Variants in RAI1 observed in about 807,000 individuals in gnomAD.
RAI1 encodes the protein retinoic acid-induced protein 1.
A neutral mutation model predicts 123.8 loss-of-function variants in RAI1; 9 were observed. The observed-to-expected ratio is 0.07, with a 90% CI of 0.04 to 0.13. The LOEUF (loss-of-function observed/expected upper bound fraction) is 0.13. RAI1 is among the 10% of genes least tolerant of loss of function. The probability of loss-of-function intolerance (pLI) is 1.00; values close to 1 mark genes in which losing one functional copy is unlikely to be tolerated. For synonymous variants in RAI1, 1,231 were observed against 1,127.3 expected, an observed-to-expected ratio of 1.09 and a Z score of -1.84; for missense variants, 2,256 against 2,545.8, an observed-to-expected ratio of 0.89 and a Z score of 2.45.
intron 2 of RAI1, among the ~76,000 whole-genome samples, chr17:17,780,388 G>A (rs1022655194): frequency 3.3e-5 from 5 of 151,938 alleles, no homozygotes; most frequent in African/African-American, 9.7e-5. Context: ...TTTCTCCCAA[G>A]AAAACCAGTT....
chr17:17,711,255 A>C (rs778406406), intron 1 of RAI1, among the ~76,000 whole-genome samples: 4 of 152,172 alleles, frequency 2.6e-5, no homozygotes, highest in Non-Finnish European at 4.4e-5. Flanking sequence ...AGAAACACAC[A>C]GGCCCTGGCT....
At chr17:17,716,573 G>GT (rs976230029) in intron 1 of RAI1, among the ~76,000 whole-genome samples, 4 of 152,190 alleles carry the variant, frequency 2.6e-5, no homozygotes, top group African/African-American at 9.7e-5. Flanking sequence ...TGTGTATGTG[G>GT]TTTTGTGTCT....
chr17:17,796,697 A>T lies in RAI1; in HGVS notation c.3749A>T (p.Asn1250Ile). ...VLRSRSSSSSNASGNGGDGKE... is the reference protein window; with the variant it reads ...VLRSRSSSSSIASGNGGDGKE... ...CGGAGCCGCAGCAGCAGCAGCAGCA[A>T]CGCCAGTGGCAATGGGGGAGATGGG... The change falls in exon 3 of 6, where the codon AAC (asparagine) becomes ATC (isoleucine). Residue 1250 changes from asparagine (N) to isoleucine (I), a missense_variant. Physicochemically the swap from Asn to Ile is moderately radical, Grantham distance 149. This residue lies in a region of RAI1 where 322 missense variants were observed against 358.0 expected (regional missense o/e 0.90). Transcript: ENST00000353383. This position sits in a 1 kb window ranked among gnomAD's most constrained non-coding sequence, Gnocchi z 5.8. 1 of 1,613,276 alleles carries T rather than the reference A, an allele frequency of 6.2e-7. No individual in the cohort carries two copies. Among genetic ancestry groups the T allele is most frequent in the African/African-American group, 1.3e-5 (1 of 75,028 alleles).
At chr17:17,691,723 C>T (rs1189544416) in intron 1 of RAI1, among the ~76,000 whole-genome samples, 1 of 152,118 alleles carries the variant, frequency 6.6e-6, no homozygotes, top group Non-Finnish European at 1.5e-5. Flanking sequence ...AAAGAGAGGA[C>T]TAAACCCTTT....
rs189154740 is a variant in RAI1, at chr17:17,781,893, G to T, written c.-16-11040G>T. On this transcript the variant is annotated intron_variant, in intron 2 of 5. Transcript: ENST00000353383. ...AGAAGCCCCAGCTTCGTAAATGACC[G>T]AAGAAGGGTGGGCGTTGAGGAGGGA... Among the ~76,000 whole-genome samples, 63 of 152,322 alleles carry T rather than the reference G, an allele frequency of 4.1e-4. No individual in the cohort carries two copies. In the East Asian group the frequency reaches 0.012, roughly 28 times the overall value.
intron 1 of RAI1, among the ~76,000 whole-genome samples, chr17:17,706,688 CA>C (rs2087036918): frequency 6.6e-6 from 1 of 152,128 alleles, no homozygotes. Flanking sequence ...GGTGAATGGA[CA>C]GGACATTGAA....
intron 2 of RAI1, among the ~76,000 whole-genome samples, chr17:17,780,082 T>TTTTTTTTTTTTTCA (rs71152902): frequency 9.0e-6 from 1 of 110,962 alleles, no homozygotes; most frequent in African/African-American, 3.6e-5. Flanking sequence ...GGCTTTTTTT[T>TTTTTTTTTTTTTCA]AAGACAAGAG....
At chr17:17,690,442 T>C (rs1400870151) in intron 1 of RAI1, among the ~76,000 whole-genome samples, 3 of 151,670 alleles carry the variant, frequency 2.0e-5, no homozygotes, top group Non-Finnish European at 4.4e-5. Context: ...AGAAAGTGTT[T>C]CCTGATTGAG....
At chr17:17,778,631 C>T (rs772965770) in intron 2 of RAI1, 9 of 420,180 alleles carry the variant, frequency 2.1e-5, no homozygotes, top group South Asian at 5.1e-5. Context: ...CCCCTGAAAC[C>T]GGAGCCCCAG....
intron 2 of RAI1, among the ~76,000 whole-genome samples, chr17:17,759,002 C>A (rs953246506): frequency 6.6e-6 from 1 of 152,044 alleles, no homozygotes; most frequent in Non-Finnish European, 1.5e-5. Context: ...AGGTTCTGGT[C>A]GCCATGGAAG....
At chr17:17,790,024 C>T (rs1174598420) in intron 2 of RAI1, among the ~76,000 whole-genome samples, 2 of 152,168 alleles carry the variant, frequency 1.3e-5, no homozygotes, top group African/African-American at 2.4e-5. Flanking sequence ...ATCGTTCTGC[C>T]GGGGCCAGGG....
chr17:17,799,498 G>T lies in RAI1; in HGVS notation c.5565+985G>T, dbSNP rs117064317. Among the ~76,000 whole-genome samples, 1 of 152,118 alleles carries T rather than the reference G, an allele frequency of 6.6e-6. No individual in the cohort carries two copies. Among genetic ancestry groups the T allele is most frequent in the Non-Finnish European group, 1.5e-5 (1 of 68,008 alleles). On this transcript the variant is annotated intron_variant, in intron 3 of 5. Transcript: ENST00000353383. The surrounding 1 kb of genome is among the most constrained non-coding windows in gnomAD (Gnocchi z 4.5). ...TGCTTCTGCCCCCACATTCAACCCC[G>T]ACTCCACTGCCTCATCCAGACTTCC...
chr17:17,781,048 C>G (rs569073289), intron 2 of RAI1, among the ~76,000 whole-genome samples: 1 of 152,346 alleles, frequency 6.6e-6, no homozygotes, highest in Admixed American at 6.5e-5. Context: ...ATCTCCACCC[C>G]CCACCAGAGG....
At chr17:17,748,996 G>A (rs932220501) in intron 2 of RAI1, among the ~76,000 whole-genome samples, 2 of 152,236 alleles carry the variant, frequency 1.3e-5, no homozygotes, top group Non-Finnish European at 2.9e-5. Context: ...TCAGGAGACA[G>A]CAGCAGGGCT....
chr17:17,783,470 C>G (rs998240581), intron 2 of RAI1, among the ~76,000 whole-genome samples: 1 of 151,864 alleles, frequency 6.6e-6, no homozygotes, highest in African/African-American at 2.4e-5. Context: ...TGAGGGAGTC[C>G]TGCGGATTTT....
At chr17:17,736,482 G>A (rs1186474142) in intron 2 of RAI1, among the ~76,000 whole-genome samples, 3 of 152,274 alleles carry the variant, frequency 2.0e-5, no homozygotes, top group African/African-American at 7.2e-5. Context: ...TCACTGCTTA[G>A]CTTCTCTGTA....
At chr17:17,772,991 AC>A (rs2031211362) in intron 2 of RAI1, among the ~76,000 whole-genome samples, 1 of 144,012 alleles carries the variant, frequency 6.9e-6, no homozygotes, top group Non-Finnish European at 1.5e-5. Flanking sequence ...TGTGAGGTAT[AC>A]AGGTGAGTGA....
chr17:17,724,310 C>T (rs1398157193), intron 2 of RAI1, among the ~76,000 whole-genome samples, 151 bp downstream of exon 2: 3 of 150,590 alleles, frequency 2.0e-5, no homozygotes, highest in African/African-American at 7.3e-5. Context: ...CCTCCCGCGG[C>T]GCCAGGATCT....
At chr17:17,750,689 CAAAAAA>C (rs57637022) in intron 2 of RAI1, among the ~76,000 whole-genome samples, 50 of 79,754 alleles carry the variant, frequency 6.3e-4, no homozygotes, top group African/African-American at 2.1e-3. Flanking sequence ...TACTCCGTCT[CAAAAAA>C]AAAAAAAAAA....
Sources: gnomAD v4.1 joint callset for allele counts (sites outside exome capture counted in the v4.1 genomes callset) on GRCh38, gnomAD v4.1.1 for gene constraint, gnomAD v4.1.1 regional missense constraint, Gnocchi (gnomAD v3.1) non-coding constraint, MANE v1.5 for transcripts, NCBI Gene and HGNC (gene_info 2026-07-23, HGNC 2026-07-21) for gene names.